HCN1: variants seen among roughly 807,000 people sequenced by gnomAD.
HCN1 encodes the protein potassium/sodium hyperpolarization-activated cyclic nucleotide-gated channel 1.
A neutral mutation model predicts 78.9 loss-of-function variants in HCN1; 13 were observed. The ratio of observed to expected loss-of-function variants is 0.16; its 90% CI spans 0.11 to 0.26. The LOEUF (loss-of-function observed/expected upper bound fraction) is 0.26. HCN1 is among the 10% of genes least tolerant of loss of function. The pLI is 1.00. For synonymous variants in HCN1, 552 were observed against 455.5 expected (o/e 1.21, Z -2.70); for missense variants, 810 against 1,154.3 (o/e 0.70, Z 4.32).
intron 2 of HCN1, among the ~76,000 whole-genome samples, chr5:45,581,384 A>G (rs1744069703): frequency 6.6e-6 from 1 of 151,908 alleles, no homozygotes; most frequent in Admixed American, 6.6e-5. Context: ...TTTTTCTTGT[A>G]AATTTCTTTG....
chr5:45,493,996 A>G (rs1741961464), intron 2 of HCN1, among the ~76,000 whole-genome samples: 1 of 152,102 alleles, frequency 6.6e-6, no homozygotes, highest in South Asian at 2.1e-4. Flanking sequence ...AATCCAGTCT[A>G]TCATTGTTGG....
At chr5:45,384,800 T>C (rs1747881063) in intron 4 of HCN1, among the ~76,000 whole-genome samples, 2 of 152,186 alleles carry the variant, frequency 1.3e-5, no homozygotes, top group Admixed American at 1.3e-4. Flanking sequence ...GCACATTTGT[T>C]TGGGAAATAA....
chr5:45,502,636 T>C (rs1024422243), intron 2 of HCN1, among the ~76,000 whole-genome samples: 1 of 152,174 alleles, frequency 6.6e-6, no homozygotes. Context: ...CTTTAGTTAC[T>C]CAGAGTAATA....
At chr5:45,359,942 T>A (rs1430174677) in intron 4 of HCN1, among the ~76,000 whole-genome samples, 3 of 144,162 alleles carry the variant, frequency 2.1e-5, no homozygotes, top group Non-Finnish European at 1.5e-5. Context: ...TGACTTTGAG[T>A]ATATATATAT....
intron 5 of HCN1, among the ~76,000 whole-genome samples, chr5:45,352,734 G>A (rs1746935529): frequency 6.6e-6 from 1 of 151,856 alleles, no homozygotes; most frequent in African/African-American, 2.4e-5. Context: ...TCTTATCAGG[G>A]TCCATGAGAT....
intron 4 of HCN1, among the ~76,000 whole-genome samples, chr5:45,381,964 C>T (rs1431201678): frequency 6.6e-6 from 1 of 152,168 alleles, no homozygotes; most frequent in Non-Finnish European, 1.5e-5. Flanking sequence ...CCTATTTGAG[C>T]TTCAATCCTA....
At chr5:45,414,745 C>T (rs979747521) in intron 3 of HCN1, among the ~76,000 whole-genome samples, 1 of 152,018 alleles carries the variant, frequency 6.6e-6, no homozygotes, top group Non-Finnish European at 1.5e-5. Flanking sequence ...TTTCTTTTGT[C>T]CCATCTCTTT....
intron 5 of HCN1, among the ~76,000 whole-genome samples, chr5:45,323,495 T>C (rs1579810787): frequency 6.6e-6 from 1 of 152,040 alleles, no homozygotes; most frequent in East Asian, 1.9e-4. Context: ...TTCTAGATTT[T>C]TTAAAAACCT....
chr5:45,298,687 G>T (rs1745547999), intron 6 of HCN1, among the ~76,000 whole-genome samples: 2 of 151,970 alleles, frequency 1.3e-5, no homozygotes, highest in Admixed American at 6.6e-5. Context: ...TAAATTTCCT[G>T]TTCAGGATGA....
chr5:45,658,936 C>G (rs373118214), intron 1 of HCN1, among the ~76,000 whole-genome samples: 2 of 143,956 alleles, frequency 1.4e-5, no homozygotes, highest in African/African-American at 5.1e-5. Flanking sequence ...GAAGCTCGAA[C>G]TGGGTGGAGC....
At chr5:45,283,460 C>T (rs1223753607) in intron 6 of HCN1, among the ~76,000 whole-genome samples, 1 of 152,042 alleles carries the variant, frequency 6.6e-6, no homozygotes, top group Non-Finnish European at 1.5e-5. Context: ...AAACAAACAA[C>T]ACCATTAAAA....
chr5:45,283,614 T>A (rs925910272), intron 6 of HCN1, among the ~76,000 whole-genome samples: 2 of 152,070 alleles, frequency 1.3e-5, no homozygotes, highest in African/African-American at 4.8e-5. Flanking sequence ...CTAGTCAGAA[T>A]GTCTACCATT....
chr5:45,602,515 C>T (rs912437604), intron 2 of HCN1, among the ~76,000 whole-genome samples: 2 of 152,068 alleles, frequency 1.3e-5, no homozygotes, highest in Non-Finnish European at 2.9e-5. Flanking sequence ...AAATTCCTGT[C>T]GTTTAAGACA....
chr5:45,423,174 C>T (rs1158085828), intron 3 of HCN1, among the ~76,000 whole-genome samples: 1 of 152,064 alleles, frequency 6.6e-6, no homozygotes, highest in East Asian at 1.9e-4. Flanking sequence ...CATGCACCTA[C>T]TATGTACCCA....
chr5:45,651,801 C>T (rs1428537288), intron 1 of HCN1, among the ~76,000 whole-genome samples: 1 of 151,866 alleles, frequency 6.6e-6, no homozygotes, highest in East Asian at 1.9e-4. Context: ...GCCTTGATGT[C>T]TCACAAGGCC....
At chr5:45,550,779 C>T (rs892643125) in intron 2 of HCN1, among the ~76,000 whole-genome samples, 4 of 151,982 alleles carry the variant, frequency 2.6e-5, no homozygotes, top group African/African-American at 4.8e-5. Context: ...CTTCAAAAAG[C>T]ATATTTAATC....
intron 4 of HCN1, among the ~76,000 whole-genome samples, chr5:45,368,696 C>G (rs537863525): frequency 7.3e-6 from 1 of 136,714 alleles, no homozygotes; most frequent in Non-Finnish European, 1.5e-5. Context: ...AATCCTTCAT[C>G]AAAACCTCAT....
chr5:45,621,322 C>CTT (rs1554036167), intron 2 of HCN1, among the ~76,000 whole-genome samples: 2 of 60,586 alleles, frequency 3.3e-5, no homozygotes, highest in African/African-American at 2.0e-4. Flanking sequence ...TTCCACCTTT[C>CTT]TTTTTTTTTT....
chr5:45,432,685 T>TC (rs1740486579), intron 3 of HCN1, among the ~76,000 whole-genome samples: 1 of 152,180 alleles, frequency 6.6e-6, no homozygotes, highest in Non-Finnish European at 1.5e-5. Context: ...TGAGGGCTTT[T>TC]CATATGAAGA....
Sources: allele counts gnomAD v4.1 joint callset (sites outside exome capture counted in the v4.1 genomes callset), GRCh38; gene constraint gnomAD v4.1.1; transcripts MANE v1.5; gene names NCBI Gene and HGNC (gene_info 2026-07-23, HGNC 2026-07-21).